The following FILIP1 variants were observed in gnomAD, a reference collection of about 807,000 sequenced individuals.
FILIP1 encodes filamin-A-interacting protein 1.
In FILIP1, 61 loss-of-function variants were observed where a neutral mutation model predicts 102.1. That is an observed-to-expected ratio of 0.60 (90% confidence interval 0.49 to 0.74). The LOEUF is 0.74. FILIP1 is among the 30% of genes least tolerant of loss of function. FILIP1 has a pLI of 0.00. For synonymous variants in FILIP1, 491 were observed against 526.9 expected, an observed-to-expected ratio of 0.93 and a Z score of 0.93; for missense variants, 1,314 against 1,441.2, an observed-to-expected ratio of 0.91 and a Z score of 1.43.
At chr6:75,462,171 A>G (rs779396327) in intron 1 of FILIP1, among the ~76,000 whole-genome samples, 10 of 152,036 alleles carry the variant, frequency 6.6e-5, no homozygotes, top group Non-Finnish European at 1.5e-4. Context: ...TAAGTATCTC[A>G]TCTCTTTAGG....
At chr6:75,399,130 T>C (rs1485302381) in intron 2 of FILIP1, 2 of 152,228 alleles carry the variant, frequency 1.3e-5, no homozygotes, top group African/African-American at 2.4e-5. Flanking sequence ...CGTGTCACCA[T>C]TGACTTTATT....
At position 75,331,146 on chromosome 6, in the gene FILIP1, A is replaced by G. The variant is rs111585364; in HGVS notation, c.630-15944T>C. Among the ~76,000 whole-genome samples the G allele has an allele frequency of 7.1e-3, 1,089 of 152,342 alleles. 23 individuals are homozygous for G. The highest frequency in any genetic ancestry group is 0.031 in the Middle Eastern group (9 of 294). Reference sequence around the variant, plus strand: ...TTAGTCTTCAAGAAAATCTGGTAACATGCTAATTTAAATTTATAAATGCTA... The same window carrying G: ...TTAGTCTTCAAGAAAATCTGGTAACGTGCTAATTTAAATTTATAAATGCTA... On this transcript the variant is annotated intron_variant, in intron 4 of 5. Transcript: ENST00000237172.
intron 1 of FILIP1, among the ~76,000 whole-genome samples, chr6:75,489,122 G>A (rs183356592): frequency 5.3e-4 from 80 of 152,154 alleles, no homozygotes; most frequent in Non-Finnish European, 9.7e-4. Context: ...CAGTATAGTC[G>A]GCTGTAAAAC....
In FILIP1 at chr6:75,320,012, C is replaced by T. The variant is rs546232909; in HGVS notation, c.630-4810G>A. On this transcript the variant is annotated intron_variant, in intron 4 of 5. Transcript: ENST00000237172. ...TTATTTTTCTTCAGCAAGGCAGAGT[C>T]GCCCAGTGCCGGTCCGGCTCTCATT... is the stretch of plus-strand genomic sequence containing the variant. 16 of 293,558 alleles carry T rather than the reference C, an allele frequency of 5.5e-5. No individual in the cohort carries two copies. The East Asian group carries it at 1.2e-3, about 21-fold the overall frequency. 18.2% of individuals were successfully genotyped at this position (293,558 alleles called of 1,614,324 possible).
At chr6:75,338,247 C>G (rs556448633) in intron 4 of FILIP1, among the ~76,000 whole-genome samples, 8 of 152,316 alleles carry the variant, frequency 5.3e-5, no homozygotes, top group African/African-American at 1.9e-4. Context: ...GCAGTTAAAG[C>G]TCACATTCAG....
intron 2 of FILIP1, 90 bp downstream of exon 2, chr6:75,414,607 A>T: frequency 8.1e-7 from 1 of 1,237,614 alleles, no homozygotes; most frequent in South Asian, 1.5e-5. Flanking sequence ...CATAAAGTTC[A>T]TTACTCAGAG....
intron 1 of FILIP1, among the ~76,000 whole-genome samples, chr6:75,460,217 G>A (rs1778978565): frequency 6.6e-6 from 1 of 152,168 alleles, no homozygotes; most frequent in Non-Finnish European, 1.5e-5. Context: ...TGTGAGGCAT[G>A]ATCAAGCTAA....
At chr6:75,480,408 T>C (rs1239704017) in intron 1 of FILIP1, among the ~76,000 whole-genome samples, 1 of 145,476 alleles carries the variant, frequency 6.9e-6, no homozygotes, top group Non-Finnish European at 1.5e-5. Flanking sequence ...GGGTTTAAAA[T>C]TCTTTTTTTT....
At chr6:75,400,465 G>A (rs141632417) in intron 2 of FILIP1, among the ~76,000 whole-genome samples, 2 of 152,280 alleles carry the variant, frequency 1.3e-5, no homozygotes, top group East Asian at 3.9e-4. Flanking sequence ...AAAAGATGGA[G>A]ATGAGTTTAC....
intron 1 of FILIP1, among the ~76,000 whole-genome samples, chr6:75,462,691 CT>C (rs1260921936): frequency 2.6e-5 from 4 of 152,156 alleles, no homozygotes; most frequent in African/African-American, 9.6e-5. Context: ...TCTCTCTAAG[CT>C]CTAGAAAATT....
chr6:75,420,487 G>A (rs780471971), intron 1 of FILIP1, among the ~76,000 whole-genome samples: 13 of 151,960 alleles, frequency 8.6e-5, no homozygotes, highest in Admixed American at 3.9e-4. Context: ...TAATGTGTCC[G>A]GTAGCTGTCC....
At chr6:75,485,970 C>CACACACACACACACACACACACACACAT (rs1779774477) in intron 1 of FILIP1, among the ~76,000 whole-genome samples, 1 of 86,066 alleles carries the variant, frequency 1.2e-5, no homozygotes, top group African/African-American at 4.1e-5. Flanking sequence ...CTGACCAAAA[C>CACACACACACACACACACACACACACAT]ACACACACAC....
At chr6:75,415,707 G>A (rs1365310936) in intron 1 of FILIP1, among the ~76,000 whole-genome samples, 1 of 151,938 alleles carries the variant, frequency 6.6e-6, no homozygotes, top group Non-Finnish European at 1.5e-5. Context: ...AGTAATAAGA[G>A]CACAAAGAAT....
At chr6:75,432,660 T>C (rs1032470820) in intron 1 of FILIP1, among the ~76,000 whole-genome samples, 1 of 152,110 alleles carries the variant, frequency 6.6e-6, no homozygotes, top group Non-Finnish European at 1.5e-5. Context: ...TTTTTAAAGA[T>C]TTTTATTTAC....
chr6:75,314,027 C>T lies in FILIP1; in HGVS notation c.1805G>A (p.Gly602Asp), dbSNP rs779614812. Reference sequence around the variant, plus strand: ...TATTTCTCTTTCCACTTCCTCTATACCATCAAGTCTCTTCTTTAGTAAGTC... The same window carrying T: ...TATTTCTCTTTCCACTTCCTCTATATCATCAAGTCTCTTCTTTAGTAAGTC... The part of the protein sequence containing the change: ...SVDLLKKRLD[G>D]IEEVEREITR... Residue 602 changes from glycine (G) to aspartate (D), a missense_variant, in exon 5 of 6, where the codon GGT becomes GAT. Transcript: ENST00000237172. 6.5e-7 allele frequency: 1 copy of T among 1,532,168 alleles called. No individual in the cohort carries two copies. The highest frequency in any genetic ancestry group is 2.3e-5 in the Admixed American group (1 of 43,728). 94.9% of individuals were successfully genotyped at this position (1,532,168 alleles called of 1,614,324 possible).
chr6:75,425,457 C>G (rs1381918381), intron 1 of FILIP1, among the ~76,000 whole-genome samples: 1 of 152,134 alleles, frequency 6.6e-6, no homozygotes, highest in African/African-American at 2.4e-5. Flanking sequence ...TTTTCAAACA[C>G]ATAATGGCTC....
rs372000426 is a variant in FILIP1, at chr6:75,362,821, G to A, written c.373C>T (p.Arg125Trp). ...AGAATGGCATCTCGGTGCAGGACCCGCAGCACTTTCTCTGGCTCCGCAGAC... is the reference window on the plus strand; with the variant it reads ...AGAATGGCATCTCGGTGCAGGACCCACAGCACTTTCTCTGGCTCCGCAGAC... ...YGSAEPEKVLRVLHRDAILAQ... is the reference protein window; with the variant it reads ...YGSAEPEKVLWVLHRDAILAQ... The change falls in exon 3 of 6, where the codon CGG (arginine) becomes TGG (tryptophan). Residue 125 changes from arginine to tryptophan, a missense_variant. By Grantham distance (101) the Arg-to-Trp change is moderately radical. Around this residue, in one of 3 missense-constraint regions of FILIP1, gnomAD observed 494 missense variants for 511.2 expected, o/e 0.97. Transcript: ENST00000237172. The A allele has an allele frequency of 1.2e-5, 19 of 1,613,774 alleles. No homozygotes were observed. Among genetic ancestry groups the A allele is most frequent in the East Asian group, 1.1e-4 (5 of 44,866 alleles).
chr6:75,459,535 A>G (rs1479561965), intron 1 of FILIP1, among the ~76,000 whole-genome samples: 4 of 152,198 alleles, frequency 2.6e-5, no homozygotes, highest in African/African-American at 9.7e-5. Context: ...TCCGATCATT[A>G]CAAAACTTTC....
At chr6:75,320,713 T>C (rs1026274601) in intron 4 of FILIP1, among the ~76,000 whole-genome samples, 1 of 152,262 alleles carries the variant, frequency 6.6e-6, no homozygotes, top group Non-Finnish European at 1.5e-5. Flanking sequence ...AGGCCAGCAA[T>C]TTTATATTAA....
Sources: allele counts gnomAD v4.1 joint callset (sites outside exome capture counted in the v4.1 genomes callset), GRCh38; gene constraint gnomAD v4.1.1; regional missense constraint gnomAD v4.1.1; transcripts MANE v1.5; gene names NCBI Gene and HGNC (gene_info 2026-07-23, HGNC 2026-07-21).